Variants in B3GALT5 observed in about 807,000 individuals in gnomAD.
B3GALT5 encodes beta-1,3-galactosyltransferase 5, also known as UDP-Gal:betaGlcNAc beta 1,3-galactosyltransferase, polypeptide 5.
For missense variants in B3GALT5, 328 were observed against 396.6 expected, an observed-to-expected ratio of 0.83 and a Z score of 1.47; for synonymous variants, 156 against 158.6, an observed-to-expected ratio of 0.98 and a Z score of 0.12.
At chr21:39,658,139 CAT>C (rs1555928643) in intron 2 of B3GALT5, among the ~76,000 whole-genome samples, 4 of 152,198 alleles carry the variant, frequency 2.6e-5, no homozygotes, top group Non-Finnish European at 5.9e-5. Context: ...GCAGATGTCT[CAT>C]ATATGAGGAT....
intron 1 of B3GALT5, among the ~76,000 whole-genome samples, chr21:39,630,079 G>T (rs2079183564): frequency 6.6e-6 from 1 of 152,122 alleles, no homozygotes; most frequent in African/African-American, 2.4e-5. Context: ...TGGGAAAACG[G>T]TCCTAGCGTA....
rs1268920684 is a variant in B3GALT5, at chr21:39,667,365, C to T, written c.*5873C>T. On this transcript the variant is annotated 3_prime_UTR_variant, in exon 4 of 4. Transcript: ENST00000684187. ...AATTTTCATGCGAGTTTTTGATCCC[C>T]TTGAGTGTGGTTATTTTTGTGCAAA... The T allele has an allele frequency of 6.6e-6, 1 of 152,194 alleles. No homozygotes were observed. The highest frequency in any genetic ancestry group is 2.4e-5 in the African/African-American group (1 of 41,440). 9.4% of individuals were successfully genotyped at this position (152,194 alleles called of 1,614,324 possible). A position where few individuals can be genotyped will look rare whatever the true frequency, so the allele number is the denominator to read the frequency against.
In B3GALT5 at chr21:39,660,034, T is replaced by TA. The variant is rs61473803; in HGVS notation, c.-1+131dup. ...AGATCAGAGACTGTAAAAAGTAACT[T>TA]AAAAAAAAATAATTCTGGCAGAGAC... is the stretch of plus-strand genomic sequence containing the variant. On this transcript the variant is annotated intron_variant, in intron 3 of 3. Transcript: ENST00000684187. The TA allele has an allele frequency of 2.2e-3, 1,140 of 516,738 alleles. 6 individuals carry two copies. Among genetic ancestry groups the TA allele is most frequent in the African/African-American group, 0.016 (787 of 47,826 alleles). 32.0% of individuals were successfully genotyped at this position (516,738 alleles called of 1,614,324 possible).
intron 1 of B3GALT5, among the ~76,000 whole-genome samples, chr21:39,626,785 C>A (rs1219931269): frequency 1.3e-5 from 2 of 151,044 alleles, no homozygotes; most frequent in East Asian, 1.9e-4. Flanking sequence ...TTTAAACTGG[C>A]GTTTTTGTTT....
chr21:39,633,869 C>A (rs773502741), intron 1 of B3GALT5, among the ~76,000 whole-genome samples: 1 of 152,136 alleles, frequency 6.6e-6, no homozygotes, highest in Non-Finnish European at 1.5e-5. Flanking sequence ...TTTGAAGAAA[C>A]GGAGGCTTAG....
intron 2 of B3GALT5, among the ~76,000 whole-genome samples, chr21:39,653,218 C>T (rs2079412000): frequency 6.6e-6 from 1 of 152,244 alleles, no homozygotes; most frequent in African/African-American, 2.4e-5. Context: ...TAGCTCTTTT[C>T]ACTCAACATA....
intron 2 of B3GALT5, among the ~76,000 whole-genome samples, chr21:39,648,716 T>C (rs1300631901): frequency 6.6e-6 from 1 of 152,198 alleles, no homozygotes; most frequent in Admixed American, 6.5e-5. Context: ...TGTGTCTCCT[T>C]ACAATTCCTG....
Position 39,661,372 on chromosome 21 carries a change from A to G in B3GALT5, c.813A>G (p.Leu271=), listed in dbSNP as rs746544737. 6.2e-7 allele frequency: 1 copy of G among 1,604,502 alleles called. No individual in the cohort carries two copies. The highest frequency in any genetic ancestry group is 1.7e-5 in the Admixed American group (1 of 59,234). ...AGCCGACCTTTTTTCCAGGGGGCTT[A>G]CGCTTCTCCGTATGCCTCTTCAGGA... ...HSQPTFFPGG[L]RFSVCLFRRI... is the part of the protein sequence containing the mutation. Residue 271 remains leucine (L), a synonymous_variant, in exon 4 of 4, where the codon TTA becomes TTG. Coordinates refer to ENST00000684187, the MANE Select transcript of B3GALT5 (RefSeq NM_001356336.2). This position sits in a 1 kb window ranked among gnomAD's most constrained non-coding sequence, Gnocchi z 4.7.
At chr21:39,650,245 C>G (rs2079382265) in intron 2 of B3GALT5, among the ~76,000 whole-genome samples, 1 of 152,160 alleles carries the variant, frequency 6.6e-6, no homozygotes, top group Non-Finnish European at 1.5e-5. Context: ...GGTCAGGGCC[C>G]CCTCCTCAAA....
chr21:39,613,330 G>A (rs2079090528), intron 1 of B3GALT5, among the ~76,000 whole-genome samples: 1 of 152,256 alleles, frequency 6.6e-6, no homozygotes, highest in South Asian at 2.1e-4. Flanking sequence ...CCCCGAGGAA[G>A]TTGTGTTCCT....
intron 2 of B3GALT5, among the ~76,000 whole-genome samples, chr21:39,655,475 G>A (rs1034009193): frequency 2.0e-5 from 3 of 152,190 alleles, no homozygotes; most frequent in African/African-American, 7.2e-5. Context: ...TGTGGGCCTG[G>A]ACAGTTGCTG....
chr21:39,658,567 A>G (rs1350637640), intron 2 of B3GALT5, among the ~76,000 whole-genome samples: 2 of 152,126 alleles, frequency 1.3e-5, no homozygotes, highest in Admixed American at 6.5e-5. Flanking sequence ...TATCTTAGCC[A>G]TGCAAATAAA....
At position 39,666,642 on chromosome 21, in the gene B3GALT5, G is replaced by C. The variant is rs957705809; in HGVS notation, c.*5150G>C. On this transcript the variant is annotated 3_prime_UTR_variant, in exon 4 of 4. Coordinates refer to ENST00000684187, the MANE Select transcript of B3GALT5 (RefSeq NM_001356336.2). ...GCTCAGCACTTAGTGGCAGTGGGAAGACCAGACCTCCTGACCCTTCAGCCT... is the reference window on the plus strand; with the variant it reads ...GCTCAGCACTTAGTGGCAGTGGGAACACCAGACCTCCTGACCCTTCAGCCT... The C allele has an allele frequency of 4.6e-5, 7 of 152,278 alleles. No individual in the cohort carries two copies. Among genetic ancestry groups the C allele is most frequent in the African/African-American group, 1.7e-4 (7 of 41,434 alleles). The allele number at this position is 152,278 out of a possible 1,614,324, so 9.4% of individuals were successfully genotyped here. A position where few individuals can be genotyped will look rare whatever the true frequency, so the allele number is the denominator to read the frequency against.
intron 1 of B3GALT5, among the ~76,000 whole-genome samples, chr21:39,625,195 C>T (rs941213432): frequency 1.2e-4 from 19 of 152,132 alleles, no homozygotes; most frequent in African/African-American, 4.1e-4. Context: ...GGGGGTTTGT[C>T]GCATGTTATT....
In B3GALT5 at chr21:39,668,999, ACAGCACTAT is replaced by A. The variant is rs1207474917; in HGVS notation, c.*7509_*7517del. ...TTTGGTGGATTCTATGGTGGTGTATACAGCACTATCTATCAGTGTACCTGTCAGTGTCTG... is the reference window on the plus strand; with the variant it reads ...TTTGGTGGATTCTATGGTGGTGTATACTATCAGTGTACCTGTCAGTGTCTG... On this transcript the variant is annotated 3_prime_UTR_variant, in exon 4 of 4. Transcript: ENST00000684187. 1 of 152,270 alleles carries A rather than the reference ACAGCACTAT, an allele frequency of 6.6e-6. No individual in the cohort carries two copies. The highest frequency in any genetic ancestry group is 2.4e-5 in the African/African-American group (1 of 41,462). The allele number at this position is 152,270 out of a possible 1,614,324, so 9.4% of individuals were successfully genotyped here. A position where few individuals can be genotyped will look rare whatever the true frequency, so the allele number is the denominator to read the frequency against.
At position 39,665,020 on chromosome 21, in the gene B3GALT5, C is replaced by G. The variant is rs959847380; in HGVS notation, c.*3528C>G. Reference sequence around the variant, plus strand: ...GTTTCCATTTATCTCCAGCCTAGAACTCTTTCTTGCTCTTCAATCCACTGC... The same window carrying G: ...GTTTCCATTTATCTCCAGCCTAGAAGTCTTTCTTGCTCTTCAATCCACTGC... On this transcript the variant is annotated 3_prime_UTR_variant, in exon 4 of 4. Transcript: ENST00000684187. 6.6e-6 allele frequency: 1 copy of G among 152,286 alleles called. No homozygotes were observed. Among genetic ancestry groups the G allele is most frequent in the Non-Finnish European group, 1.5e-5 (1 of 68,218 alleles). 9.4% of individuals were successfully genotyped at this position (152,286 alleles called of 1,614,324 possible). A position where few individuals can be genotyped will look rare whatever the true frequency, so the allele number is the denominator to read the frequency against.
At chr21:39,658,536 C>A (rs1051743253) in intron 2 of B3GALT5, among the ~76,000 whole-genome samples, 4 of 152,034 alleles carry the variant, frequency 2.6e-5, no homozygotes, top group Admixed American at 2.0e-4. Flanking sequence ...AGCAGTCCCC[C>A]AACCCCCCTA....
At chr21:39,625,979 G>A (rs1186903917) in intron 1 of B3GALT5, among the ~76,000 whole-genome samples, 2 of 152,148 alleles carry the variant, frequency 1.3e-5, no homozygotes, top group Non-Finnish European at 2.9e-5. Context: ...CGACAGTTTT[G>A]TGGCATTTTG....
At chr21:39,640,888 T>C (rs1176796217) in intron 1 of B3GALT5, among the ~76,000 whole-genome samples, 2 of 152,080 alleles carry the variant, frequency 1.3e-5, no homozygotes, top group Non-Finnish European at 2.9e-5. Flanking sequence ...AATGGGCACA[T>C]GCCACCATGC....
Sources: allele counts gnomAD v4.1 joint callset (sites outside exome capture counted in the v4.1 genomes callset), GRCh38; gene constraint gnomAD v4.1.1; non-coding constraint Gnocchi (gnomAD v3.1); transcripts MANE v1.5; gene names NCBI Gene and HGNC (gene_info 2026-07-23, HGNC 2026-07-21).